The following SEPTIN11 variants were observed in gnomAD, a reference collection of about 807,000 sequenced individuals.
SEPTIN11 encodes septin-11.
In SEPTIN11, 25 loss-of-function variants were observed where a neutral mutation model predicts 51.4. The ratio of observed to expected loss-of-function variants is 0.49; its 90% CI spans 0.35 to 0.68. The LOEUF (loss-of-function observed/expected upper bound fraction) is 0.68, where lower values mean the gene tolerates loss of function less well. SEPTIN11 is among the 30% of genes least tolerant of loss of function. The pLI, the probability that SEPTIN11 is intolerant of heterozygous loss-of-function variation, is 0.00. For missense variants in SEPTIN11, 381 were observed against 520.8 expected (o/e 0.73, Z 2.61); for synonymous variants, 174 against 184.1 (o/e 0.95, Z 0.44).
rs188224314 is a variant in SEPTIN11 at position 76,956,012 on chromosome 4, T to G, written c.27+6082T>G. On this transcript the variant is annotated intron_variant, in intron 1 of 9. Coordinates refer to ENST00000264893, the MANE Select transcript of SEPTIN11 (RefSeq NM_018243.4). Reference sequence around the variant, plus strand: ...AAAAGGAAATTAAAAACTCATTGGATTTTATGAAAACAGGAGAAGAGTCTG... The same window carrying G: ...AAAAGGAAATTAAAAACTCATTGGAGTTTATGAAAACAGGAGAAGAGTCTG... Among the ~76,000 whole-genome samples the G allele has an allele frequency of 3.0e-3, 452 of 152,280 alleles. 2 individuals carry two copies. Among genetic ancestry groups the G allele is most frequent in the African/African-American group, 0.01 (433 of 41,548 alleles).
chr4:77,038,050 G>A lies in SEPTIN11; in HGVS notation c.*3538G>A. Reference sequence around the variant, plus strand: ...GACCCACGTCCTGCTGTCTCTGTGTGGTCCTACAAAAACTGTCCATTCCCA... The same window carrying A: ...GACCCACGTCCTGCTGTCTCTGTGTAGTCCTACAAAAACTGTCCATTCCCA... On this transcript the variant is annotated 3_prime_UTR_variant, in exon 10 of 10. Coordinates refer to ENST00000264893, the MANE Select transcript of SEPTIN11 (RefSeq NM_018243.4). The A allele has an allele frequency of 1.0e-6, 1 of 985,810 alleles. No homozygotes were observed. Among genetic ancestry groups the A allele is most frequent in the Non-Finnish European group, 1.2e-6 (1 of 829,934 alleles). The allele number at this position is 985,810 out of a possible 1,614,324, so 61.1% of individuals were successfully genotyped here.
intron 7 of SEPTIN11, among the ~76,000 whole-genome samples, chr4:77,021,857 G>C (rs1043089415): frequency 3.9e-5 from 6 of 152,216 alleles, no homozygotes; most frequent in African/African-American, 1.4e-4. Flanking sequence ...GCCTGGCACT[G>C]TGCTGCTGAG....
chr4:77,016,115 G>A (rs929201502), intron 5 of SEPTIN11, among the ~76,000 whole-genome samples: 10 of 152,212 alleles, frequency 6.6e-5, no homozygotes, highest in Admixed American at 1.3e-4. Context: ...CTGGTTGTGG[G>A]TATTGAGAGC....
intron 1 of SEPTIN11, among the ~76,000 whole-genome samples, chr4:76,989,289 T>A (rs541186047): frequency 1.6e-3 from 244 of 151,576 alleles, no homozygotes; most frequent in Non-Finnish European, 2.8e-3. Context: ...CTCTTAAATT[T>A]AAAAAAAAAT....
At chr4:77,008,970 A>T (rs1190799167) in intron 3 of SEPTIN11, among the ~76,000 whole-genome samples, 2 of 152,258 alleles carry the variant, frequency 1.3e-5, no homozygotes, top group Non-Finnish European at 2.9e-5. Flanking sequence ...TTGGAGGAAG[A>T]GGCAGATAAT....
Position 77,034,627 on chromosome 4 carries a change from C to G in SEPTIN11, c.*115C>G. The G allele has an allele frequency of 1.4e-6, 2 of 1,381,076 alleles. No homozygotes were observed. Among genetic ancestry groups the G allele is most frequent in the Non-Finnish European group, 1.9e-6 (2 of 1,067,834 alleles). The allele number at this position is 1,381,076 out of a possible 1,614,324, so 85.6% of individuals were successfully genotyped here. On this transcript the variant is annotated 3_prime_UTR_variant, in exon 10 of 10. Coordinates refer to ENST00000264893, the MANE Select transcript of SEPTIN11 (RefSeq NM_018243.4). ...TTTATTTTATTTTTTTACCCTTCCT[C>G]AAACACCAGTAACTATTATTAACTC...
intron 9 of SEPTIN11, among the ~76,000 whole-genome samples, chr4:77,033,296 A>T (rs539561684): frequency 1.3e-5 from 2 of 152,368 alleles, no homozygotes; most frequent in South Asian, 2.1e-4. Context: ...CATAGCTGGA[A>T]CAGATGTGGG....
Position 77,037,726 on chromosome 4 carries a change from T to G in SEPTIN11, c.*3214T>G, listed in dbSNP as rs904095250. ...TCCATAACACATGTACTGTAGAATGTGATGGAAAAGCATTGATGAGAATTT... is the reference window on the plus strand; with the variant it reads ...TCCATAACACATGTACTGTAGAATGGGATGGAAAAGCATTGATGAGAATTT... On this transcript the variant is annotated 3_prime_UTR_variant, in exon 10 of 10. Coordinates refer to ENST00000264893, the MANE Select transcript of SEPTIN11 (RefSeq NM_018243.4). The G allele has an allele frequency of 1.0e-6, 1 of 985,760 alleles. No homozygotes were observed. Among genetic ancestry groups the G allele is most frequent in the African/African-American group, 1.7e-5 (1 of 57,246 alleles). The allele number at this position is 985,760 out of a possible 1,614,324, so 61.1% of individuals were successfully genotyped here.
chr4:76,966,180 G>C (rs1229812119), intron 1 of SEPTIN11, among the ~76,000 whole-genome samples: 1 of 152,226 alleles, frequency 6.6e-6, no homozygotes, highest in Non-Finnish European at 1.5e-5. Context: ...AGAGTAAGTA[G>C]TTGGATGGCG....
chr4:76,970,092 C>CT (rs1722179955), intron 1 of SEPTIN11, among the ~76,000 whole-genome samples: 1 of 152,188 alleles, frequency 6.6e-6, no homozygotes, highest in Non-Finnish European at 1.5e-5. Flanking sequence ...CTCCATTAGG[C>CT]TACCTGCTGG....
At chr4:77,025,437 C>T (rs533978525) in intron 7 of SEPTIN11, among the ~76,000 whole-genome samples, 15 of 151,846 alleles carry the variant, frequency 9.9e-5, no homozygotes, top group Admixed American at 9.2e-4. Context: ...CCCAACTACT[C>T]GAAAAGCTGA....
chr4:77,035,026 C>G lies in SEPTIN11; in HGVS notation c.*514C>G, dbSNP rs1044205871. On this transcript the variant is annotated 3_prime_UTR_variant, in exon 10 of 10. Transcript: ENST00000264893. ...ATTTGTACGTAGACAGACTGGTGAG[C>G]AAGCATTATATTTTATTTTTACCCT... 1 of 985,592 alleles carries G rather than the reference C, an allele frequency of 1.0e-6. No individual in the cohort carries two copies. Among genetic ancestry groups the G allele is most frequent in the East Asian group, 1.1e-4 (1 of 8,838 alleles). 61.1% of individuals were successfully genotyped at this position (985,592 alleles called of 1,614,324 possible). A position where few individuals can be genotyped will look rare whatever the true frequency, so the allele number is the denominator to read the frequency against.
rs571260878 is a variant in SEPTIN11, at chr4:76,971,140, AT to A, written c.27+21214del. Among the ~76,000 whole-genome samples, 294 of 152,348 alleles carry A rather than the reference AT, an allele frequency of 1.9e-3. 3 individuals are homozygous for A. Among genetic ancestry groups the A allele is most frequent in the African/African-American group, 6.6e-3 (273 of 41,582 alleles). ...TGATGTTGAATTAATAGAGAACAAC[AT>A]TTTAAATATTTTCTACTGTGGAATT... On this transcript the variant is annotated intron_variant, in intron 1 of 9. Transcript: ENST00000264893.
In SEPTIN11 at chr4:77,034,699, A is replaced by G. The variant is rs918492573; in HGVS notation, c.*187A>G. 18 of 1,313,606 alleles carry G rather than the reference A, an allele frequency of 1.4e-5. No individual in the cohort carries two copies. In the African/African-American group the frequency reaches 2.6e-4, roughly 19 times the overall value. The allele number at this position is 1,313,606 out of a possible 1,614,324, so 81.4% of individuals were successfully genotyped here. On this transcript the variant is annotated 3_prime_UTR_variant, in exon 10 of 10. Coordinates refer to ENST00000264893, the MANE Select transcript of SEPTIN11 (RefSeq NM_018243.4). ...TGGTAGAAAATGATAGAACAAGGGA[A>G]TAACCGCGAATGCTCTGTGCAGCTG...
Position 76,958,809 on chromosome 4 carries a change from AT to A in SEPTIN11, c.27+8880del, listed in dbSNP as rs1721676148. The A allele has an allele frequency of 5.9e-6, 7 of 1,186,170 alleles. No homozygotes were observed. The Admixed American group carries it at 1.5e-4, about 25-fold the overall frequency. 73.5% of individuals were successfully genotyped at this position (1,186,170 alleles called of 1,614,324 possible). ...TATGTTTTTTGTAAATTAAAAAAAAATAAGTTTTAAATAGTCAATGGCTGGT... is the reference window on the plus strand; with the variant it reads ...TATGTTTTTTGTAAATTAAAAAAAAAAAGTTTTAAATAGTCAATGGCTGGT... On this transcript the variant is annotated intron_variant, in intron 1 of 9. Transcript: ENST00000264893.
At chr4:77,025,844 A>G (rs1290231290) in intron 7 of SEPTIN11, among the ~76,000 whole-genome samples, 1 of 152,302 alleles carries the variant, frequency 6.6e-6, no homozygotes, top group South Asian at 2.1e-4. Context: ...CTAAGACACA[A>G]TGATATAAGA....
chr4:77,038,947 G>T (rs928927219), downstream of SEPTIN11: 1 of 594,058 alleles, frequency 1.7e-6, no homozygotes, highest in African/African-American at 1.9e-5. Context: ...TCGAGCTCGA[G>T]GAAGTCACCC....
At chr4:77,005,495 T>C (rs1724415127) in intron 2 of SEPTIN11, 106 bp from the exon 3 acceptor site, 5 of 999,952 alleles carry the variant, frequency 5.0e-6, no homozygotes, top group Non-Finnish European at 5.9e-6. Context: ...TGACAGTTTT[T>C]CTTTTTTAAA....
At chr4:77,010,850 AC>A (rs1244089243) in intron 3 of SEPTIN11, among the ~76,000 whole-genome samples, 4 of 152,182 alleles carry the variant, frequency 2.6e-5, no homozygotes, top group African/African-American at 9.7e-5. Flanking sequence ...CCCTTTGGAG[AC>A]CAGAAAGAAT....
Sources: allele counts gnomAD v4.1 joint callset (sites outside exome capture counted in the v4.1 genomes callset), GRCh38; gene constraint gnomAD v4.1.1; transcripts MANE v1.5; gene names NCBI Gene and HGNC (gene_info 2026-07-23, HGNC 2026-07-21).